MYO9B: variants seen among roughly 807,000 people sequenced by gnomAD.
MYO9B encodes the protein myosin IXB, also known as unconventional myosin-IXb.
A neutral mutation model predicts 229.5 loss-of-function variants in MYO9B; 71 were observed. That is an observed-to-expected ratio of 0.31 (90% CI 0.26 to 0.38). The LOEUF (loss-of-function observed/expected upper bound fraction) is 0.38, where lower values mean the gene tolerates loss of function less well. MYO9B is among the 10% of genes least tolerant of loss of function. The pLI is 1.00. For missense variants in MYO9B, 2,255 were observed against 2,920.5 expected (o/e 0.77, Z 5.25); for synonymous variants, 1,185 against 1,235.8 (o/e 0.96, Z 0.86).
chr19:17,206,354 C>T lies in MYO9B; in HGVS notation c.5364C>T (p.Tyr1788=), dbSNP rs778803649. The T allele has an allele frequency of 9.9e-6, 16 of 1,610,614 alleles. No homozygotes were observed. The East Asian group carries it at 1.3e-4, about 13-fold the overall frequency. ...LPEPLMTFAQ[Y]GDFLRAVELP... ...AGCCCCTCATGACCTTCGCACAGTA[C>T]GGCGACTTCCTCCGAGCCGTCGGTG... is the stretch of plus-strand genomic sequence containing the variant. The change falls in exon 33 of 40, where the codon TAC becomes TAT. Residue 1788 remains tyrosine (Y), a synonymous_variant. Transcript: ENST00000682292.
chr19:17,193,097 C>G lies in MYO9B; in HGVS notation c.3128+35C>G. ...GCCGGGCCACGCTCCTCGGAATATT[C>G]CAGAAGCCAAAAAGGTCACTCACCA... On this transcript the variant is annotated intron_variant, in intron 21 of 39. Coordinates refer to ENST00000682292, the MANE Select transcript of MYO9B (RefSeq NM_004145.4). The surrounding 1 kb of genome is among the most constrained non-coding windows in gnomAD (Gnocchi z 4.3). 2.8e-6 allele frequency: 4 copies of G among 1,422,346 alleles called. No individual in the cohort carries two copies. The highest frequency in any genetic ancestry group is 3.7e-6 in the Non-Finnish European group (4 of 1,089,106). 88.1% of individuals were successfully genotyped at this position (1,422,346 alleles called of 1,614,324 possible).
At position 17,200,641 on chromosome 19, in the gene MYO9B, C is replaced by G; in HGVS notation, c.4375C>G (p.Pro1459Ala). 1.2e-6 allele frequency: 2 copies of G among 1,611,934 alleles called. No homozygotes were observed. The highest frequency in any genetic ancestry group is 1.7e-6 in the Non-Finnish European group (2 of 1,178,856). ...ATTMKKGLEA[P>A]SGQQHRHAAG... ...GGCTGCTTCCTGTCCCCCCTCAGCC[C>G]CCTCCGGACAGCAGCATCGCCACGC... The change falls in exon 26 of 40, where the codon CCC becomes GCC. Residue 1459 changes from proline (P) to alanine (A), a missense_variant and splice_region_variant. This residue lies in a region of MYO9B where 679 missense variants were observed against 770.2 expected (regional missense o/e 0.88). Transcript: ENST00000682292.
At chr19:17,186,121 A>C (rs2072916928) in intron 18 of MYO9B, 120 bp downstream of exon 18, 2 of 823,644 alleles carry the variant, frequency 2.4e-6, no homozygotes, top group Non-Finnish European at 3.9e-6. Flanking sequence ...CAGTCCATCC[A>C]GAGGCAGCCG....
At chr19:17,205,006 C>A (rs2073144011) in intron 30 of MYO9B, among the ~76,000 whole-genome samples, 2 of 152,140 alleles carry the variant, frequency 1.3e-5, no homozygotes, top group South Asian at 4.1e-4. Context: ...ACAAAATTAG[C>A]CAGGCGTGGT....
chr19:17,145,195 G>C (rs2072394103), intron 2 of MYO9B, among the ~76,000 whole-genome samples: 1 of 151,882 alleles, frequency 6.6e-6, no homozygotes, highest in Non-Finnish European at 1.5e-5. Context: ...AGAATTGCTT[G>C]AACCCGGGAG....
chr19:17,091,095 C>T (rs569356800), intron 1 of MYO9B, among the ~76,000 whole-genome samples: 10 of 152,264 alleles, frequency 6.6e-5, no homozygotes, highest in South Asian at 2.1e-4. Context: ...AGCCCAGAGG[C>T]GGACCACATG....
At chr19:17,117,937 CAAAAAA>C (rs567862829) in intron 2 of MYO9B, among the ~76,000 whole-genome samples, 1 of 91,404 alleles carries the variant, frequency 1.1e-5, no homozygotes, top group Non-Finnish European at 2.1e-5. Flanking sequence ...CACTCTTCCT[CAAAAAA>C]AAAAAAAAAA....
chr19:17,146,028 T>C (rs1453770815), intron 3 of MYO9B, among the ~76,000 whole-genome samples: 1 of 151,500 alleles, frequency 6.6e-6, no homozygotes, highest in South Asian at 2.1e-4. Flanking sequence ...TGCACGTAGA[T>C]GGATAGACAG....
chr19:17,194,351 G>A (rs1410823140), intron 21 of MYO9B, among the ~76,000 whole-genome samples: 2 of 152,102 alleles, frequency 1.3e-5, no homozygotes, highest in Admixed American at 6.5e-5. Context: ...GCAGGGCAGG[G>A]GTATCTGTGA....
chr19:17,099,377 G>C (rs991052550), intron 1 of MYO9B: 2 of 152,180 alleles, frequency 1.3e-5, no homozygotes, highest in Non-Finnish European at 2.9e-5. Context: ...GAAGGTGATG[G>C]GGGGAGGAGG....
intron 2 of MYO9B, among the ~76,000 whole-genome samples, chr19:17,136,737 G>A (rs549040283): frequency 6.2e-4 from 94 of 152,054 alleles, no homozygotes; most frequent in African/African-American, 2.2e-3. Flanking sequence ...AGCCCTTGGT[G>A]GTTCCCGCCC....
intron 37 of MYO9B, 129 bp downstream of exon 37, chr19:17,210,509 G>T (rs1330895613): frequency 1.5e-6 from 2 of 1,294,034 alleles, no homozygotes; most frequent in Non-Finnish European, 1.0e-6. Context: ...GCATGCTGGG[G>T]AGGCCCCTTG....
chr19:17,174,863 G>T (rs550918354), intron 13 of MYO9B, among the ~76,000 whole-genome samples: 6 of 151,850 alleles, frequency 4.0e-5, no homozygotes, highest in Non-Finnish European at 7.4e-5. Flanking sequence ...AAACCGGGGA[G>T]GCAGAGGTTG....
intron 1 of MYO9B, among the ~76,000 whole-genome samples, chr19:17,085,517 C>T (rs1406574251): frequency 1.3e-5 from 2 of 152,040 alleles, no homozygotes; most frequent in Non-Finnish European, 1.5e-5. Flanking sequence ...TACAGGGTTT[C>T]TTTTTAAGGT....
At chr19:17,210,482 C>T in intron 37 of MYO9B, 102 bp downstream of exon 37, 1 of 1,392,104 alleles carries the variant, frequency 7.2e-7, no homozygotes, top group Non-Finnish European at 9.6e-7. Context: ...CAGAGCCTGT[C>T]CTAACCTTCC....
At chr19:17,108,239 G>A (rs2057811753) in intron 2 of MYO9B, among the ~76,000 whole-genome samples, 3 of 152,350 alleles carry the variant, frequency 2.0e-5, no homozygotes, top group African/African-American at 4.8e-5. Context: ...GCGGTTCTAA[G>A]CCGCTCGAGG....
At chr19:17,185,160 G>A (rs2072903951) in intron 17 of MYO9B, among the ~76,000 whole-genome samples, 173 bp downstream of exon 17, 1 of 152,088 alleles carries the variant, frequency 6.6e-6, no homozygotes, top group Non-Finnish European at 1.5e-5. Flanking sequence ...CGGATCACGA[G>A]GTCAGGAGAT....
chr19:17,173,385 A>C (rs1284399020), intron 13 of MYO9B, among the ~76,000 whole-genome samples: 1 of 146,862 alleles, frequency 6.8e-6, no homozygotes, highest in African/African-American at 2.5e-5. Context: ...GCTCACTGCA[A>C]CCTCTGCCTC....
intron 23 of MYO9B, 88 bp downstream of exon 23, chr19:17,197,946 CA>C (rs2073064509): frequency 6.6e-7 from 1 of 1,519,052 alleles, no homozygotes; most frequent in Non-Finnish European, 9.0e-7. Flanking sequence ...CCCAGCTACT[CA>C]GGAGGCTGAG....
Sources: gnomAD v4.1 joint callset for allele counts (sites outside exome capture counted in the v4.1 genomes callset) on GRCh38, gnomAD v4.1.1 for gene constraint, gnomAD v4.1.1 regional missense constraint, Gnocchi (gnomAD v3.1) non-coding constraint, MANE v1.5 for transcripts, NCBI Gene and HGNC (gene_info 2026-07-23, HGNC 2026-07-21) for gene names.